DLGAP2: variants seen among roughly 807,000 people sequenced by gnomAD.
The protein encoded by DLGAP2 is DLG associated protein 2, also known as disks large-associated protein 2.
DLGAP2 carries 26 observed loss-of-function variants against 100.3 expected under a neutral mutation model. The ratio of observed to expected loss-of-function variants is 0.26; its 90% CI spans 0.19 to 0.36. DLGAP2 has a LOEUF of 0.36. Ranked by LOEUF, DLGAP2 falls within the 10% of genes least tolerant of loss-of-function variation. The pLI, the probability that DLGAP2 is intolerant of heterozygous loss-of-function variation, is 1.00. For synonymous variants in DLGAP2, 886 were observed against 630.1 expected, an observed-to-expected ratio of 1.41 and a Z score of -6.08; for missense variants, 1,858 against 1,453.2, an observed-to-expected ratio of 1.28 and a Z score of -4.53.
chr8:900,967 G>T lies in DLGAP2; in HGVS notation c.19-6945G>T, dbSNP rs548601810. On this transcript the variant is annotated intron_variant, in intron 1 of 14. Transcript: ENST00000637795. ...AAGTGGAAGGATATGAGTTTTTATT[G>T]TCAAAACTATATTACATAGTTTTAA... Among the ~76,000 whole-genome samples the T allele has an allele frequency of 2.6e-5, 4 of 152,284 alleles. No homozygotes were observed. In the East Asian group the frequency reaches 7.7e-4, roughly 29 times the overall value.
intron 2 of DLGAP2, among the ~76,000 whole-genome samples, chr8:1,206,334 T>A (rs1392931358): frequency 7.2e-6 from 1 of 139,122 alleles, no homozygotes; most frequent in Non-Finnish European, 1.5e-5. Context: ...GGGTAGACTG[T>A]GAATGGTTAA....
At chr8:911,744 C>A (rs1003202884) in intron 2 of DLGAP2, among the ~76,000 whole-genome samples, 1 of 148,624 alleles carries the variant, frequency 6.7e-6, no homozygotes, top group African/African-American at 2.5e-5. Flanking sequence ...TGGAAGGATG[C>A]TGGAGAATGT....
chr8:818,053 T>C (rs987585999), intron 1 of DLGAP2, among the ~76,000 whole-genome samples: 1 of 152,096 alleles, frequency 6.6e-6, no homozygotes, highest in Non-Finnish European at 1.5e-5. Context: ...GGCAGGGCCA[T>C]AGAGCTCCCA....
intron 2 of DLGAP2, among the ~76,000 whole-genome samples, chr8:1,097,568 G>A (rs1321092562): frequency 1.7e-4 from 21 of 123,988 alleles, no homozygotes; most frequent in South Asian, 1.6e-3. Context: ...CTGGGAGCCC[G>A]GGGCAGGCCT....
At position 982,883 on chromosome 8, in the gene DLGAP2, ATTTT is replaced by A. The variant is rs35686773; in HGVS notation, c.73+74937_73+74940del. 1.6e-3 allele frequency among the ~76,000 whole-genome samples: 182 copies of A among 117,324 alleles called. 1 individual carries two copies. The highest frequency in any genetic ancestry group is 5.4e-3 in the Middle Eastern group (1 of 186). 77.0% of individuals were successfully genotyped at this position (117,324 alleles called of 152,430 possible). A position where few individuals can be genotyped will look rare whatever the true frequency, so the allele number is the denominator to read the frequency against. On this transcript the variant is annotated intron_variant, in intron 2 of 14. Coordinates refer to ENST00000637795, the MANE Select transcript of DLGAP2 (RefSeq NM_001346810.2). ...ACACTCTAGGAATTTTAAAGGTAGG[ATTTT>A]TTTTTTTTTTTTTTTTTTTACATTT... is the stretch of plus-strand genomic sequence containing the variant.
chr8:1,459,684 CTTTTTT>C (rs3052056), intron 3 of DLGAP2, among the ~76,000 whole-genome samples: 6 of 120,824 alleles, frequency 5.0e-5, no homozygotes, highest in South Asian at 2.8e-4. Context: ...CTGTTGTTTT[CTTTTTT>C]TTTTTTTTTT....
intron 2 of DLGAP2, among the ~76,000 whole-genome samples, chr8:998,497 C>T (rs1217140529): frequency 2.0e-5 from 3 of 149,516 alleles, no homozygotes; most frequent in African/African-American, 7.4e-5. Flanking sequence ...GAGATAGGAT[C>T]TCACTGTGTC....
chr8:1,302,778 G>A (rs1041939980), intron 3 of DLGAP2, among the ~76,000 whole-genome samples: 6 of 152,262 alleles, frequency 3.9e-5, no homozygotes, highest in African/African-American at 1.2e-4. Context: ...ACCATGGAGC[G>A]ACCTTGCCCA....
chr8:826,822 A>G (rs1017688122), intron 1 of DLGAP2, among the ~76,000 whole-genome samples: 1 of 152,022 alleles, frequency 6.6e-6, no homozygotes, highest in Non-Finnish European at 1.5e-5. Flanking sequence ...GACCTTTGTC[A>G]TTTATGTGGA....
intron 3 of DLGAP2, among the ~76,000 whole-genome samples, chr8:1,390,108 A>G (rs1350189842): frequency 6.6e-6 from 1 of 151,998 alleles, no homozygotes; most frequent in Non-Finnish European, 1.5e-5. Flanking sequence ...CTGGTGGAGT[A>G]TCAGGCTTAG....
At chr8:836,471 C>T (rs989829756) in intron 1 of DLGAP2, among the ~76,000 whole-genome samples, 1 of 152,200 alleles carries the variant, frequency 6.6e-6, no homozygotes, top group African/African-American at 2.4e-5. Context: ...TCCGAGGGCT[C>T]CTGTGTGCCA....
intron 3 of DLGAP2, among the ~76,000 whole-genome samples, chr8:1,386,370 A>G (rs957748975): frequency 7.9e-5 from 12 of 152,232 alleles, no homozygotes. Context: ...AAACTCCCAT[A>G]CACCAGCATT....
At chr8:1,111,726 G>A (rs1394039918) in intron 2 of DLGAP2, among the ~76,000 whole-genome samples, 1 of 152,128 alleles carries the variant, frequency 6.6e-6, no homozygotes, top group Non-Finnish European at 1.5e-5. Context: ...TTCCTGCAGA[G>A]GTCATGGGTC....
chr8:971,159 G>C (rs900636941), intron 2 of DLGAP2, among the ~76,000 whole-genome samples: 1 of 152,178 alleles, frequency 6.6e-6, no homozygotes, highest in African/African-American at 2.4e-5. Flanking sequence ...TCCGGAAACT[G>C]AACAGCCAAC....
chr8:1,421,649 C>G (rs760174130), intron 3 of DLGAP2, among the ~76,000 whole-genome samples: 1 of 152,160 alleles, frequency 6.6e-6, no homozygotes, highest in Non-Finnish European at 1.5e-5. Flanking sequence ...GATCAAGAAG[C>G]AAGCACATAT....
chr8:1,450,764 C>G, intron 3 of DLGAP2, among the ~76,000 whole-genome samples: 1 of 152,100 alleles, frequency 6.6e-6, no homozygotes, highest in South Asian at 2.1e-4. Context: ...GGCTATGTCT[C>G]TGCGCTCAAC....
chr8:1,169,521 A>T (rs1463295242), intron 2 of DLGAP2, among the ~76,000 whole-genome samples: 1 of 152,150 alleles, frequency 6.6e-6, no homozygotes, highest in Non-Finnish European at 1.5e-5. Flanking sequence ...TGAGCATGGA[A>T]TGTTCTTCCA....
intron 6 of DLGAP2, among the ~76,000 whole-genome samples, chr8:1,619,212 A>C (rs1360387584): frequency 6.6e-6 from 1 of 152,230 alleles, no homozygotes; most frequent in Non-Finnish European, 1.5e-5. Context: ...GCAAAAGAAG[A>C]TACACAAATG....
intron 3 of DLGAP2, among the ~76,000 whole-genome samples, chr8:1,295,462 C>A (rs1244654640): frequency 6.6e-6 from 1 of 152,110 alleles, no homozygotes; most frequent in Non-Finnish European, 1.5e-5. Flanking sequence ...AGGCTGTGGG[C>A]CCCCAGCCAC....
Sources: gnomAD v4.1 joint callset for allele counts (sites outside exome capture counted in the v4.1 genomes callset) on GRCh38, gnomAD v4.1.1 for gene constraint, MANE v1.5 for transcripts, NCBI Gene and HGNC (gene_info 2026-07-23, HGNC 2026-07-21) for gene names.